LDB2: variants seen among roughly 807,000 people sequenced by gnomAD.
LDB2 encodes LIM domain binding 2, also known as LIM domain-binding protein 2.
A neutral mutation model predicts 44.3 loss-of-function variants in LDB2; 12 were observed. That is an observed-to-expected ratio of 0.27 (90% confidence interval 0.17 to 0.44). The LOEUF (loss-of-function observed/expected upper bound fraction) is 0.44. Among genes scored for constraint, LDB2 ranks in the 20% least tolerant of loss-of-function variants. The pLI, the probability that LDB2 is intolerant of heterozygous loss-of-function variation, is 1.00. For synonymous variants in LDB2, 164 were observed against 174.8 expected (o/e 0.94, Z 0.49); for missense variants, 344 against 473.5 (o/e 0.73, Z 2.54).
At chr4:16,614,203 C>A (rs1726482233) in intron 2 of LDB2, among the ~76,000 whole-genome samples, 1 of 152,186 alleles carries the variant, frequency 6.6e-6, no homozygotes, top group South Asian at 2.1e-4. Flanking sequence ...GCTGGGAAAG[C>A]TGGCTAGCCC....
chr4:16,667,261 A>G (rs1320148269), intron 2 of LDB2, among the ~76,000 whole-genome samples: 1 of 152,222 alleles, frequency 6.6e-6, no homozygotes, highest in Non-Finnish European at 1.5e-5. Context: ...GGGTCTCTCA[A>G]TGTTTCCCAA....
chr4:16,887,116 A>G (rs1256982889), intron 1 of LDB2, among the ~76,000 whole-genome samples: 4 of 151,176 alleles, frequency 2.6e-5, no homozygotes, highest in Admixed American at 2.6e-4. Flanking sequence ...GGCTTGGAAT[A>G]CAAAAGTTTT....
intron 1 of LDB2, among the ~76,000 whole-genome samples, chr4:16,859,048 C>T (rs1399263095): frequency 1.3e-5 from 2 of 152,034 alleles, no homozygotes; most frequent in East Asian, 1.9e-4. Flanking sequence ...TTACTAAGTG[C>T]CAGGCACTAT....
At chr4:16,795,662 C>T (rs1776598204) in intron 1 of LDB2, among the ~76,000 whole-genome samples, 1 of 152,132 alleles carries the variant, frequency 6.6e-6, no homozygotes, top group Admixed American at 6.5e-5. Flanking sequence ...CCTTTATCTC[C>T]AGCAAATCAC....
chr4:16,502,487 AAG>A lies in LDB2; in HGVS notation c.*154_*155del. The stretch of plus-strand genomic sequence containing the variant: ...GGAATAATCCTCTCAATTAGAAAAA[AAG>A]AAAGAAGAAAGAAAATCAGATCATT... On this transcript the variant is annotated 3_prime_UTR_variant, in exon 8 of 8. Coordinates refer to ENST00000304523, the MANE Select transcript of LDB2 (RefSeq NM_001290.5). The A allele has an allele frequency of 3.6e-6, 4 of 1,120,394 alleles. No homozygotes were observed. Among genetic ancestry groups the A allele is most frequent in the Non-Finnish European group, 5.1e-6 (4 of 782,280 alleles). The allele number at this position is 1,120,394 out of a possible 1,614,324, so 69.4% of individuals were successfully genotyped here.
At chr4:16,534,598 A>G (rs934871250) in intron 5 of LDB2, among the ~76,000 whole-genome samples, 4 of 152,204 alleles carry the variant, frequency 2.6e-5, no homozygotes, top group Non-Finnish European at 1.5e-5. Flanking sequence ...CTTTTTCCGT[A>G]TCTTTACAAA....
At chr4:16,610,599 G>A (rs1725340140) in intron 2 of LDB2, among the ~76,000 whole-genome samples, 1 of 151,802 alleles carries the variant, frequency 6.6e-6, no homozygotes, top group Admixed American at 6.6e-5. Context: ...TCGAACAAGT[G>A]GAAGAAAGAA....
At chr4:16,548,104 G>A (rs541335052) in intron 5 of LDB2, among the ~76,000 whole-genome samples, 24 of 151,988 alleles carry the variant, frequency 1.6e-4, no homozygotes, top group Admixed American at 3.9e-4. Flanking sequence ...GATTACAGGT[G>A]TGAGCCACTG....
At chr4:16,654,297 T>G (rs1739130524) in intron 2 of LDB2, among the ~76,000 whole-genome samples, 2 of 152,166 alleles carry the variant, frequency 1.3e-5, no homozygotes, top group Non-Finnish European at 2.9e-5. Context: ...GTTTTGTCTG[T>G]TGATTTTTGC....
At chr4:16,699,177 T>G (rs1752864337) in intron 2 of LDB2, among the ~76,000 whole-genome samples, 1 of 152,230 alleles carries the variant, frequency 6.6e-6, no homozygotes, top group Admixed American at 6.5e-5. Context: ...ACATTCTTCA[T>G]CTTTAATCGT....
chr4:16,875,248 G>T (rs1291734257), intron 1 of LDB2, among the ~76,000 whole-genome samples: 1 of 152,118 alleles, frequency 6.6e-6, no homozygotes, highest in Non-Finnish European at 1.5e-5. Flanking sequence ...TCAGGGTAGG[G>T]TTTCTGGGGC....
chr4:16,849,791 C>T (rs1561435247), intron 1 of LDB2, among the ~76,000 whole-genome samples: 1 of 152,216 alleles, frequency 6.6e-6, no homozygotes, highest in Non-Finnish European at 1.5e-5. Flanking sequence ...GTGGAGGGTT[C>T]TGCCCACTTC....
chr4:16,607,288 G>A (rs1043701923), intron 2 of LDB2, among the ~76,000 whole-genome samples: 10 of 152,152 alleles, frequency 6.6e-5, no homozygotes, highest in African/African-American at 2.2e-4. Context: ...TTCAGCATCC[G>A]CCACCCAGGG....
At chr4:16,513,816 T>C (rs1257951091) in intron 5 of LDB2, among the ~76,000 whole-genome samples, 3 of 152,164 alleles carry the variant, frequency 2.0e-5, no homozygotes, top group Admixed American at 1.3e-4. Flanking sequence ...CAGCAAGCCA[T>C]AGAAACTAGA....
At chr4:16,882,883 A>T (rs1196202311) in intron 1 of LDB2, among the ~76,000 whole-genome samples, 4 of 152,120 alleles carry the variant, frequency 2.6e-5, no homozygotes, top group Non-Finnish European at 5.9e-5. Context: ...ATAACCTAAC[A>T]CCTGAAGCTT....
intron 1 of LDB2, among the ~76,000 whole-genome samples, chr4:16,853,772 T>C (rs1038732927): frequency 5.9e-5 from 9 of 152,154 alleles, no homozygotes; most frequent in African/African-American, 1.9e-4. Context: ...GGTACATATA[T>C]GCAATGGAAT....
intron 1 of LDB2, among the ~76,000 whole-genome samples, chr4:16,893,776 G>A (rs1724111187): frequency 1.3e-5 from 2 of 151,030 alleles, no homozygotes; most frequent in Admixed American, 6.6e-5. Context: ...ACACTTTTCT[G>A]GTGTTTATGG....
At chr4:16,595,587 G>C (rs1174353249) in intron 3 of LDB2, 116 bp downstream of exon 3, 1 of 857,674 alleles carries the variant, frequency 1.2e-6, no homozygotes, top group Non-Finnish European at 1.8e-6. Flanking sequence ...TCATGGTGTT[G>C]AAAGTGTCTG....
intron 5 of LDB2, among the ~76,000 whole-genome samples, chr4:16,566,899 T>TA (rs1367601325): frequency 6.6e-6 from 1 of 152,084 alleles, no homozygotes; most frequent in Non-Finnish European, 1.5e-5. Context: ...AGATAATAAA[T>TA]ATCTCCTGTC....
Sources: allele counts gnomAD v4.1 joint callset (sites outside exome capture counted in the v4.1 genomes callset), GRCh38; gene constraint gnomAD v4.1.1; transcripts MANE v1.5; gene names NCBI Gene and HGNC (gene_info 2026-07-23, HGNC 2026-07-21).